Variants in NUP133 observed in about 807,000 individuals in gnomAD.
The protein encoded by NUP133 is nuclear pore complex protein Nup133.
Under a neutral mutation model 146.2 loss-of-function variants are expected in NUP133, and 66 were observed. The observed-to-expected ratio is 0.45, with a 90% CI of 0.37 to 0.55. The LOEUF (loss-of-function observed/expected upper bound fraction) is 0.55, where lower values mean the gene tolerates loss of function less well. NUP133 is among the 20% of genes least tolerant of loss of function. The probability of loss-of-function intolerance (pLI) is 0.00; values close to 1 mark genes in which losing one functional copy is unlikely to be tolerated. For missense variants in NUP133, 1,277 were observed against 1,374.8 expected (o/e 0.93, Z 1.12); for synonymous variants, 521 against 498.8 (o/e 1.04, Z -0.59).
intron 10 of NUP133, among the ~76,000 whole-genome samples, chr1:229,487,054 T>A (rs1661369547): frequency 6.6e-6 from 1 of 152,036 alleles, no homozygotes. Flanking sequence ...CCCCTTCAGC[T>A]AAGTATCTGC....
At chr1:229,474,206 C>G (rs941343727) in intron 14 of NUP133, among the ~76,000 whole-genome samples, 3 of 152,158 alleles carry the variant, frequency 2.0e-5, no homozygotes, top group Non-Finnish European at 4.4e-5. Context: ...CCCTCCAGCT[C>G]AGTGCATCCT....
chr1:229,464,554 C>T (rs750995866), intron 18 of NUP133, 70 bp downstream of exon 18: 25 of 1,524,940 alleles, frequency 1.6e-5, no homozygotes, highest in Non-Finnish European at 2.1e-5. Context: ...ACTGAATATA[C>T]TGAATTAACT....
intron 21 of NUP133, among the ~76,000 whole-genome samples, chr1:229,457,768 C>T: frequency 6.6e-6 from 1 of 152,092 alleles, no homozygotes; most frequent in East Asian, 1.9e-4. Flanking sequence ...TATATGTAAT[C>T]GTTTTCATCT....
At chr1:229,505,964 A>G in intron 2 of NUP133, 76 bp downstream of exon 2, 1 of 843,620 alleles carries the variant, frequency 1.2e-6, no homozygotes, top group Non-Finnish European at 2.0e-6. Flanking sequence ...TAGAGAAAAC[A>G]TAAATTTAAT....
Position 229,500,939 on chromosome 1 carries a change from T to G in NUP133, c.406-76A>C, listed in dbSNP as rs1421268224. On this transcript the variant is annotated intron_variant, in intron 3 of 25. Transcript: ENST00000261396. ...GAAGATGCATCTGATTTCCCTTCTC[T>G]GCATATTTTAGATTCTGACTCACTG... The G allele has an allele frequency of 9.4e-6, 8 of 853,962 alleles. No individual in the cohort carries two copies. In the East Asian group the frequency reaches 2.1e-4, roughly 23 times the overall value. 52.9% of individuals were successfully genotyped at this position (853,962 alleles called of 1,614,324 possible).
intron 11 of NUP133, among the ~76,000 whole-genome samples, chr1:229,484,652 T>G (rs1224267609): frequency 6.6e-6 from 1 of 152,206 alleles, no homozygotes; most frequent in Admixed American, 6.5e-5. Flanking sequence ...CTTACACGAC[T>G]CATCACAGTG....
chr1:229,487,518 T>C lies in NUP133; in HGVS notation c.1290A>G (p.Thr430=). The C allele has an allele frequency of 6.2e-7, 1 of 1,613,796 alleles. No homozygotes were observed. The highest frequency in any genetic ancestry group is 8.5e-7 in the Non-Finnish European group (1 of 1,179,906). Residue 430 remains threonine (T), a synonymous_variant, in exon 10 of 26, where the codon ACA becomes ACG. Coordinates refer to ENST00000261396, the MANE Select transcript of NUP133 (RefSeq NM_018230.3). ...YNESAVYVCS[T]GTGKFSLPQE... The stretch of plus-strand genomic sequence containing the variant: ...GGGGAAGAGAAAATTTCCCAGTTCC[T>C]GTGGAGCACACATAGACAGCACTTT...
At chr1:229,478,026 G>C (rs1361091740) in intron 12 of NUP133, among the ~76,000 whole-genome samples, 1 of 152,128 alleles carries the variant, frequency 6.6e-6, no homozygotes, top group Non-Finnish European at 1.5e-5. Context: ...ATACAAAAAA[G>C]ATGAATGCTT....
rs529891692 is a variant in NUP133, at chr1:229,489,595, G to A, written c.1194+360C>T. Among the ~76,000 whole-genome samples, 80 of 152,318 alleles carry A rather than the reference G, an allele frequency of 5.3e-4. 1 individual carries two copies. The highest frequency in any genetic ancestry group is 1.9e-3 in the African/African-American group (77 of 41,566). The stretch of plus-strand genomic sequence containing the variant: ...GAAATTTGACCCTGAAATGGGCCAC[G>A]CAAGGTGGCTCACACCTGTAATCCC... On this transcript the variant is annotated intron_variant, in intron 9 of 25. Transcript: ENST00000261396.
rs1373822943 is a variant in NUP133, at chr1:229,470,652, T to C, written c.2004A>G (p.Ile668Met). The C allele has an allele frequency of 6.2e-7, 1 of 1,614,126 alleles. No individual in the cohort carries two copies. Among genetic ancestry groups the C allele is most frequent in the South Asian group, 1.1e-5 (1 of 91,076 alleles). ...ACTCCCTCTTGTTCAAAGCAATCAATATGGCTGTGTTGACAAGGTCAGAAA... is the reference window on the plus strand; with the variant it reads ...ACTCCCTCTTGTTCAAAGCAATCAACATGGCTGTGTTGACAAGGTCAGAAA... ...SRLSDLVNTA[I>M]LIALNKREYE... The change falls in exon 15 of 26, where the codon ATA becomes ATG. Residue 668 changes from isoleucine (I) to methionine (M), a missense_variant. Ile to Met is a conservative substitution (Grantham distance 10). Transcript: ENST00000261396.
intron 15 of NUP133, 42 bp from the exon 16 acceptor site, chr1:229,466,798 A>G (rs918568452): frequency 2.8e-5 from 45 of 1,605,854 alleles, no homozygotes; most frequent in Non-Finnish European, 3.8e-5. Flanking sequence ...AACAAAAATT[A>G]TGGTGATGGG....
At chr1:229,502,142 T>C (rs775470034) in intron 2 of NUP133, 40 bp from the exon 3 acceptor site, 11 of 1,421,998 alleles carry the variant, frequency 7.7e-6, no homozygotes, top group African/African-American at 1.4e-5. Context: ...TCTTATAGTA[T>C]AAATCTTTAT....
intron 2 of NUP133, among the ~76,000 whole-genome samples, chr1:229,505,331 T>G (rs10916499): frequency 0.22 from 33,467 of 151,862 alleles, 3,922 homozygotes; most frequent in Middle Eastern, 0.27. Context: ...TCTTTACTGT[T>G]CCTAATTTAT....
intron 1 of NUP133, among the ~76,000 whole-genome samples, chr1:229,507,601 A>G (rs376597979): frequency 6.6e-6 from 1 of 152,212 alleles, no homozygotes; most frequent in Non-Finnish European, 1.5e-5. Context: ...CAATCATCAG[A>G]TATTAATGTC....
chr1:229,507,063 CAG>C (rs1312674065), intron 1 of NUP133, among the ~76,000 whole-genome samples: 12 of 152,216 alleles, frequency 7.9e-5, no homozygotes, highest in African/African-American at 2.2e-4. Context: ...TGTTTCCTGA[CAG>C]AGGATAACAA....
At chr1:229,498,858 CA>C (rs1320530376) in intron 5 of NUP133, among the ~76,000 whole-genome samples, 1 of 151,116 alleles carries the variant, frequency 6.6e-6, no homozygotes, top group Non-Finnish European at 1.5e-5. Context: ...TCAGATTCAA[CA>C]AATTAGGTTA....
At chr1:229,499,288 G>A (rs1661738942) in intron 5 of NUP133, 2 of 467,262 alleles carry the variant, frequency 4.3e-6, no homozygotes, top group African/African-American at 2.0e-5. Flanking sequence ...CTTATAAAAT[G>A]TTTCTAAAAG....
chr1:229,487,671 AT>A, intron 9 of NUP133, 58 bp from the exon 10 acceptor site: 2 of 1,184,470 alleles, frequency 1.7e-6, no homozygotes, highest in Non-Finnish European at 1.2e-6. Flanking sequence ...TATTTGTATG[AT>A]TTTTTAAATT....
chr1:229,466,901 T>G (rs1171229869), intron 15 of NUP133, 145 bp from the exon 16 acceptor site: 25 of 694,160 alleles, frequency 3.6e-5, no homozygotes, highest in Non-Finnish European at 6.6e-6. Flanking sequence ...AAAAATAAAT[T>G]CAAAAATCAA....
Sources: gnomAD v4.1 joint callset for allele counts (sites outside exome capture counted in the v4.1 genomes callset) on GRCh38, gnomAD v4.1.1 for gene constraint, MANE v1.5 for transcripts, NCBI Gene and HGNC (gene_info 2026-07-23, HGNC 2026-07-21) for gene names.